Variants in GPR161 observed in about 807,000 individuals in gnomAD.
GPR161 encodes the protein G protein-coupled receptor 161.
GPR161 carries 25 observed loss-of-function variants against 39.2 expected under a neutral mutation model. That is an observed-to-expected ratio of 0.64 (90% CI 0.47 to 0.89). The LOEUF (loss-of-function observed/expected upper bound fraction) is 0.89. Ranked by LOEUF, GPR161 falls within the 40% of genes least tolerant of loss-of-function variation. The pLI is 0.00. For synonymous variants in GPR161, 286 were observed against 276.6 expected (o/e 1.03, Z -0.34); for missense variants, 547 against 677.8 (o/e 0.81, Z 2.14).
intron 4 of GPR161, 180 bp downstream of exon 4, chr1:168,090,384 A>G: frequency 1.9e-6 from 1 of 518,150 alleles, no homozygotes; most frequent in South Asian, 3.0e-5. Context: ...ACTGAGACAC[A>G]GGAAAGCTGA....
chr1:168,096,488 C>G lies in GPR161; in HGVS notation c.1099+20G>C. The G allele has an allele frequency of 1.2e-6, 2 of 1,605,616 alleles. No individual in the cohort carries two copies. The highest frequency in any genetic ancestry group is 1.7e-6 in the Non-Finnish European group (2 of 1,175,560). On this transcript the variant is annotated intron_variant, in intron 3 of 5. Coordinates refer to ENST00000682931, the MANE Select transcript of GPR161 (RefSeq NM_001375883.1). The stretch of plus-strand genomic sequence containing the variant: ...ATTTCATCTGCCTCGGAGGGGCTAT[C>G]CTAACAATGCCCAAGTTACCTGTGA...
intron 1 of GPR161, among the ~76,000 whole-genome samples, chr1:168,131,239 C>G (rs1189268063): frequency 6.6e-6 from 1 of 151,860 alleles, no homozygotes; most frequent in East Asian, 1.9e-4. Flanking sequence ...CCACACCAAT[C>G]TCTCCTCCCA....
intron 1 of GPR161, among the ~76,000 whole-genome samples, chr1:168,114,994 C>T (rs531235905): frequency 2.6e-5 from 4 of 151,988 alleles, no homozygotes; most frequent in Admixed American, 6.6e-5. Context: ...GGATTTTGTC[C>T]GGAAGCGTTG....
In GPR161 at chr1:168,085,641, C is replaced by G; in HGVS notation, c.1480G>C (p.Val494Leu). Reference sequence around the variant, plus strand: ...CGGCCCCCGAAGCCGCCCCCCGGGACAGTCCGTGCTGTAACCAAGACCCCT... The same window carrying G: ...CGGCCCCCGAAGCCGCCCCCCGGGAGAGTCCGTGCTGTAACCAAGACCCCT... ...LPGVLVTARTVPGGGFGGRRG... is the reference protein window; with the variant it reads ...LPGVLVTARTLPGGGFGGRRG... Residue 494 changes from valine to leucine, a missense_variant, in exon 6 of 6, where the codon GTC (valine) becomes CTC (leucine). By Grantham distance (32) the Val-to-Leu change is conservative (BLOSUM62 1). Coordinates refer to ENST00000682931, the MANE Select transcript of GPR161 (RefSeq NM_001375883.1). 6.2e-7 allele frequency: 1 copy of G among 1,614,204 alleles called. No homozygotes were observed. Among genetic ancestry groups the G allele is most frequent in the African/African-American group, 1.3e-5 (1 of 75,080 alleles).
chr1:168,090,443 A>C lies in GPR161; in HGVS notation c.1204+121T>G, dbSNP rs753373940. 1,352 of 565,970 alleles carry C rather than the reference A, an allele frequency of 2.4e-3. 3 individuals are homozygous for C. Among genetic ancestry groups the C allele is most frequent in the Middle Eastern group, 6.1e-3 (22 of 3,624 alleles). 35.1% of individuals were successfully genotyped at this position (565,970 alleles called of 1,614,324 possible). A position where few individuals can be genotyped will look rare whatever the true frequency, so the allele number is the denominator to read the frequency against. On this transcript the variant is annotated intron_variant, in intron 4 of 5. Coordinates refer to ENST00000682931, the MANE Select transcript of GPR161 (RefSeq NM_001375883.1). The stretch of plus-strand genomic sequence containing the variant: ...CCCAGACTTATGATTCTCACCCCCC[A>C]CCCACCGTGGGAAATGCCCCTCCGC...
intron 3 of GPR161, among the ~76,000 whole-genome samples, chr1:168,094,971 T>C (rs1459472156): frequency 6.6e-6 from 1 of 152,200 alleles, no homozygotes; most frequent in African/African-American, 2.4e-5. Flanking sequence ...GCAGCTTTAC[T>C]GTGGAGAAAG....
chr1:168,099,183 C>A (rs566626792), intron 2 of GPR161, among the ~76,000 whole-genome samples: 2 of 152,130 alleles, frequency 1.3e-5, no homozygotes, highest in Non-Finnish European at 2.9e-5. Context: ...CCCTGGGGGG[C>A]GAACAAGCCC....
chr1:168,119,256 ACG>A lies in GPR161; in HGVS notation c.-44-14364_-44-14363del, dbSNP rs1697938271. Among the ~76,000 whole-genome samples the A allele has an allele frequency of 2.4e-3, 271 of 111,382 alleles. 2 individuals are homozygous for A. Among genetic ancestry groups the A allele is most frequent in the African/African-American group, 8.8e-3 (248 of 28,126 alleles). 73.1% of individuals were successfully genotyped at this position (111,382 alleles called of 152,430 possible). ...TATATATATATACACATATATATATACGTATATATATGTGTATATATATATAT... is the reference window on the plus strand; with the variant it reads ...TATATATATATACACATATATATATATATATATATGTGTATATATATATAT... On this transcript the variant is annotated intron_variant, in intron 1 of 5. Transcript: ENST00000682931.
At chr1:168,087,334 G>GTGTGTGTGTGT (rs1558085252) in intron 5 of GPR161, among the ~76,000 whole-genome samples, 10 of 148,684 alleles carry the variant, frequency 6.7e-5, no homozygotes, top group African/African-American at 2.5e-4. Flanking sequence ...AACACGTGTG[G>GTGTGTGTGTGT]GTGTGTGTGT....
chr1:168,135,031 A>G (rs1699260472), intron 1 of GPR161: 1 of 1,522,046 alleles, frequency 6.6e-7, no homozygotes, highest in African/African-American at 1.4e-5. Flanking sequence ...CGCACAGTGC[A>G]CCAGGCTGCA....
In GPR161 at chr1:168,082,093, C is replaced by T. The variant is rs1694114084; in HGVS notation, c.*3438G>A. ...TCTCAACCCAAATTCCTTAGCCTAT[C>T]TATTGCAAATATTTAGTCTCATTGG... On this transcript the variant is annotated 3_prime_UTR_variant, in exon 6 of 6. Coordinates refer to ENST00000682931, the MANE Select transcript of GPR161 (RefSeq NM_001375883.1). 6.6e-6 allele frequency: 1 copy of T among 152,240 alleles called. No homozygotes were observed. The highest frequency in any genetic ancestry group is 1.9e-4 in the East Asian group (1 of 5,206). The allele number at this position is 152,240 out of a possible 1,614,324, so 9.4% of individuals were successfully genotyped here.
At chr1:168,126,069 CTAT>C (rs1377257328) in intron 1 of GPR161, among the ~76,000 whole-genome samples, 1 of 152,196 alleles carries the variant, frequency 6.6e-6, no homozygotes, top group Non-Finnish European at 1.5e-5. Flanking sequence ...CATATGTAAA[CTAT>C]TATTCTGAAA....
intron 1 of GPR161, among the ~76,000 whole-genome samples, chr1:168,105,727 G>A (rs181225119): frequency 6.6e-6 from 1 of 152,062 alleles, no homozygotes; most frequent in East Asian, 1.9e-4. Context: ...ACTGGCTTGG[G>A]ATCTTGGCTA....
chr1:168,082,554 C>T lies in GPR161; in HGVS notation c.*2977G>A, dbSNP rs1694153677. On this transcript the variant is annotated 3_prime_UTR_variant, in exon 6 of 6. Coordinates refer to ENST00000682931, the MANE Select transcript of GPR161 (RefSeq NM_001375883.1). ...AATGCCTTCTGGGTCAAAACAACCC[C>T]AAACCTGGTATCTGTGGCATAGCAC... is the stretch of plus-strand genomic sequence containing the variant. 6.6e-6 allele frequency: 1 copy of T among 152,282 alleles called. No homozygotes were observed. Among genetic ancestry groups the T allele is most frequent in the South Asian group, 2.1e-4 (1 of 4,828 alleles). The allele number at this position is 152,282 out of a possible 1,614,324, so 9.4% of individuals were successfully genotyped here.
intron 2 of GPR161, among the ~76,000 whole-genome samples, chr1:168,097,927 A>G (rs1399259069): frequency 6.6e-6 from 1 of 152,212 alleles, no homozygotes; most frequent in Non-Finnish European, 1.5e-5. Flanking sequence ...ATCTGACTCT[A>G]CAATCCCCAG....
At chr1:168,101,649 A>T (rs1165965532) in intron 2 of GPR161, among the ~76,000 whole-genome samples, 2 of 152,222 alleles carry the variant, frequency 1.3e-5, no homozygotes, top group East Asian at 3.8e-4. Flanking sequence ...CTCATCTGCA[A>T]AATCGGGGCT....
intron 1 of GPR161, among the ~76,000 whole-genome samples, chr1:168,129,293 G>A (rs977625729): frequency 6.6e-6 from 1 of 152,174 alleles, no homozygotes; most frequent in Non-Finnish European, 1.5e-5. Flanking sequence ...AATGAGCTCG[G>A]CGTGTTTAAG....
In GPR161 at chr1:168,106,939, T is replaced by A. The variant is rs569565232; in HGVS notation, c.-44-2045A>T. On this transcript the variant is annotated intron_variant, in intron 1 of 5. Coordinates refer to ENST00000682931, the MANE Select transcript of GPR161 (RefSeq NM_001375883.1). ...TGCCTTTAGTTGGCGAGTTCTGGGT[T>A]TGTTGACTCTAATAAGTAAATTATT... Among the ~76,000 whole-genome samples the A allele has an allele frequency of 1.1e-3, 163 of 152,318 alleles. 2 individuals are homozygous for A. The South Asian group carries it at 0.031, about 29-fold the overall frequency.
intron 3 of GPR161, among the ~76,000 whole-genome samples, chr1:168,091,644 G>A (rs558901654): frequency 3.9e-5 from 6 of 152,254 alleles, no homozygotes; most frequent in South Asian, 2.1e-4. Context: ...AGGTACTAGC[G>A]TGAAAGACAG....
Sources: gnomAD v4.1 joint callset for allele counts (sites outside exome capture counted in the v4.1 genomes callset) on GRCh38, gnomAD v4.1.1 for gene constraint, MANE v1.5 for transcripts, NCBI Gene and HGNC (gene_info 2026-07-23, HGNC 2026-07-21) for gene names.